The following SND1 variants were observed in gnomAD, a reference collection of about 807,000 sequenced individuals.
The protein encoded by SND1 is staphylococcal nuclease and tudor domain containing 1, also known as staphylococcal nuclease domain-containing protein 1.
Under a neutral mutation model 121.7 loss-of-function variants are expected in SND1, and 38 were observed. The observed-to-expected ratio is 0.31, with a 90% confidence interval of 0.24 to 0.41. The LOEUF (loss-of-function observed/expected upper bound fraction) is 0.41. Among genes scored for constraint, SND1 ranks in the 10% least tolerant of loss-of-function variants. The pLI is 1.00. For missense variants in SND1, 868 were observed against 1,184.6 expected (o/e 0.73, Z 3.92); for synonymous variants, 401 against 447.4 (o/e 0.90, Z 1.31).
chr7:127,689,623 A>G (rs1210709373), intron 2 of SND1, among the ~76,000 whole-genome samples: 2 of 152,208 alleles, frequency 1.3e-5, no homozygotes, highest in Admixed American at 1.3e-4. Flanking sequence ...ATCTGATCCT[A>G]GCATTCTGGT....
At chr7:127,966,311 A>G (rs1287387667) in intron 15 of SND1, among the ~76,000 whole-genome samples, 2 of 150,332 alleles carry the variant, frequency 1.3e-5, no homozygotes, top group Non-Finnish European at 3.0e-5. Flanking sequence ...GAAAGTCAAC[A>G]AGGATACCCA....
intron 21 of SND1, among the ~76,000 whole-genome samples, 191 bp from the exon 22 acceptor site, chr7:128,089,298 C>G (rs1388090913): frequency 6.6e-6 from 1 of 152,166 alleles, no homozygotes. Context: ...AAGGGGTCCA[C>G]CCACCTCAGC....
intron 16 of SND1, chr7:128,031,659 CG>C (rs1458387725): frequency 1.4e-5 from 2 of 146,664 alleles, no homozygotes; most frequent in Non-Finnish European, 3.0e-5. Flanking sequence ...GTCCGCCGGC[CG>C]GAGGAGCGCG....
chr7:127,786,939 G>A (rs1797824784), intron 10 of SND1, among the ~76,000 whole-genome samples: 1 of 152,208 alleles, frequency 6.6e-6, no homozygotes, highest in Non-Finnish European at 1.5e-5. Context: ...ACCGCGCCCG[G>A]CCTTGTTTGT....
intron 2 of SND1, among the ~76,000 whole-genome samples, chr7:127,692,118 G>T (rs918257429): frequency 3.9e-5 from 6 of 152,172 alleles, no homozygotes; most frequent in Non-Finnish European, 7.3e-5. Flanking sequence ...AGTATTGAAT[G>T]TTGGGTCATT....
chr7:127,773,983 C>T (rs1797567598), intron 10 of SND1, among the ~76,000 whole-genome samples: 1 of 152,178 alleles, frequency 6.6e-6, no homozygotes. Flanking sequence ...ACTGCACTTC[C>T]AGTCGTATAA....
At chr7:127,707,684 C>T (rs979004591) in intron 9 of SND1, 37 bp downstream of exon 9, 27 of 1,505,520 alleles carry the variant, frequency 1.8e-5, no homozygotes, top group Non-Finnish European at 2.5e-5. Flanking sequence ...GCATAGTGGA[C>T]ATTGCCAGGC....
At chr7:128,016,109 C>G (rs1803218312) in intron 16 of SND1, among the ~76,000 whole-genome samples, 2 of 151,542 alleles carry the variant, frequency 1.3e-5, no homozygotes, top group Non-Finnish European at 2.9e-5. Context: ...AAAGCTCTTC[C>G]AGCCCTAGGC....
intron 16 of SND1, among the ~76,000 whole-genome samples, chr7:128,018,288 G>A (rs1180787697): frequency 6.6e-6 from 1 of 152,234 alleles, no homozygotes; most frequent in Non-Finnish European, 1.5e-5. Flanking sequence ...TGTTGACTCT[G>A]CCTTGCTGTG....
chr7:127,830,831 G>A (rs188928646), intron 11 of SND1, among the ~76,000 whole-genome samples: 2 of 152,206 alleles, frequency 1.3e-5, no homozygotes, highest in East Asian at 3.9e-4. Context: ...CTAGTTTGCT[G>A]TCTAGGAGTA....
intron 14 of SND1, among the ~76,000 whole-genome samples, chr7:127,923,107 G>A (rs1435645708): frequency 6.6e-6 from 1 of 152,138 alleles, no homozygotes; most frequent in East Asian, 1.9e-4. Context: ...TCTTGCCTTA[G>A]CCTCCCAAGC....
rs949533923 is a variant in SND1 at position 127,672,251 on chromosome 7, G to T, written c.79-14362G>T. On this transcript the variant is annotated intron_variant, in intron 1 of 23. Coordinates refer to ENST00000354725, the MANE Select transcript of SND1 (RefSeq NM_014390.4). ...TCATACTTTAATACTTCTAACTATT[G>T]TCTTAAAACCGGGGATATCCATCTA... 3.3e-5 allele frequency among the ~76,000 whole-genome samples: 5 copies of T among 151,580 alleles called. No individual in the cohort carries two copies. In the East Asian group the frequency reaches 5.8e-4, roughly 18 times the overall value.
intron 10 of SND1, among the ~76,000 whole-genome samples, chr7:127,763,847 A>G (rs1164080132): frequency 6.6e-6 from 1 of 151,992 alleles, no homozygotes; most frequent in East Asian, 1.9e-4. Context: ...TAATCTCAGT[A>G]TTTGGGGAGA....
rs767875831 is a variant in SND1 at position 127,664,556 on chromosome 7, TC to T, written c.78+12107del. Among the ~76,000 whole-genome samples the T allele has an allele frequency of 8.5e-4, 129 of 152,324 alleles. 1 individual carries two copies. The highest frequency in any genetic ancestry group is 1.6e-4 in the Non-Finnish European group (11 of 68,032). On this transcript the variant is annotated intron_variant, in intron 1 of 23. Transcript: ENST00000354725. ...TTATGTATCTCTTCCATCTGGCTGT[TC>T]CTGAGTTGTATACTTTTATATAAAT...
At chr7:127,703,408 G>C (rs1450690258) in intron 7 of SND1, 85 bp downstream of exon 7, 2 of 1,468,708 alleles carry the variant, frequency 1.4e-6, no homozygotes, top group Admixed American at 1.9e-5. Context: ...CTCTTTCTCT[G>C]TATTTAACAT....
intron 13 of SND1, among the ~76,000 whole-genome samples, chr7:127,898,375 A>G (rs1800160016): frequency 6.6e-6 from 1 of 152,140 alleles, no homozygotes; most frequent in Non-Finnish European, 1.5e-5. Flanking sequence ...ATTCTCAATT[A>G]CATTGAAAAT....
intron 9 of SND1, among the ~76,000 whole-genome samples, chr7:127,710,634 C>T (rs780273996): frequency 2.0e-5 from 3 of 152,112 alleles, no homozygotes; most frequent in Non-Finnish European, 4.4e-5. Context: ...TTTTTATAGG[C>T]TTACTAAAGA....
chr7:127,812,357 T>C (rs896757049), intron 11 of SND1, among the ~76,000 whole-genome samples: 16 of 152,196 alleles, frequency 1.1e-4, no homozygotes, highest in African/African-American at 3.9e-4. Context: ...CAGTATCTCA[T>C]TAGTCTTTGA....
At chr7:128,089,319 G>T (rs1389953508) in intron 21 of SND1, among the ~76,000 whole-genome samples, 170 bp from the exon 22 acceptor site, 1 of 152,210 alleles carries the variant, frequency 6.6e-6, no homozygotes, top group Non-Finnish European at 1.5e-5. Context: ...CTCCCAAAGT[G>T]CTGGGATTAC....
Sources: gnomAD v4.1 joint callset for allele counts (sites outside exome capture counted in the v4.1 genomes callset) on GRCh38, gnomAD v4.1.1 for gene constraint, MANE v1.5 for transcripts, NCBI Gene and HGNC (gene_info 2026-07-23, HGNC 2026-07-21) for gene names.